The following TECRL variants were observed in gnomAD, a reference collection of about 807,000 sequenced individuals.
TECRL encodes the protein trans-2,3-enoyl-CoA reductase like.
A neutral mutation model predicts 52.8 loss-of-function variants in TECRL; 63 were observed. The ratio of observed to expected loss-of-function variants is 1.19; its 90% CI spans 0.97 to 1.47. The LOEUF (loss-of-function observed/expected upper bound fraction) is 1.47, where lower values mean the gene tolerates loss of function less well. TECRL is among the 40% of genes most tolerant of loss of function. The probability of loss-of-function intolerance (pLI) is 0.00; values close to 1 mark genes in which losing one functional copy is unlikely to be tolerated. For missense variants in TECRL, 482 were observed against 429.6 expected, an observed-to-expected ratio of 1.12 and a Z score of -1.08; for synonymous variants, 164 against 141.9, an observed-to-expected ratio of 1.16 and a Z score of -1.10.
At chr4:64,349,134 CGTTT>C (rs1202314929) in intron 2 of TECRL, among the ~76,000 whole-genome samples, 187 of 138,062 alleles carry the variant, frequency 1.4e-3, no homozygotes, top group African/African-American at 2.5e-3. Context: ...TTATAAAAAA[CGTTT>C]TTTTTTTTTT....
intron 2 of TECRL, among the ~76,000 whole-genome samples, chr4:64,350,246 C>A (rs1303409159): frequency 6.6e-6 from 1 of 152,094 alleles, no homozygotes; most frequent in African/African-American, 2.4e-5. Flanking sequence ...GAAATAATTG[C>A]CAAAATAGTA....
chr4:64,401,033 T>C (rs1431158348), intron 1 of TECRL, among the ~76,000 whole-genome samples: 1 of 152,158 alleles, frequency 6.6e-6, no homozygotes, highest in Non-Finnish European at 1.5e-5. Flanking sequence ...CAGATCCCAA[T>C]ACTATCTTGC....
intron 1 of TECRL, among the ~76,000 whole-genome samples, chr4:64,384,586 T>C (rs1170961220): frequency 6.6e-6 from 1 of 152,052 alleles, no homozygotes; most frequent in Non-Finnish European, 1.5e-5. Flanking sequence ...AATGCATTTA[T>C]AGGTACTGGT....
chr4:64,384,184 T>C (rs1723014516), intron 1 of TECRL, among the ~76,000 whole-genome samples: 1 of 152,044 alleles, frequency 6.6e-6, no homozygotes. Flanking sequence ...GGTGGTATAT[T>C]CCAGGTAGGA....
At chr4:64,364,580 A>G (rs1486297588) in intron 2 of TECRL, among the ~76,000 whole-genome samples, 1 of 152,048 alleles carries the variant, frequency 6.6e-6, no homozygotes, top group East Asian at 1.9e-4. Context: ...AGATAACATT[A>G]CCCCAAAGAA....
At position 64,355,708 on chromosome 4, in the gene TECRL, T is replaced by C. The variant is rs1429695250; in HGVS notation, c.286+19464A>G. ...TCCCAGCTACTTGGGAGGCTGAGAA[T>C]GGCGTGAAGCTGGGAGGCGGAGCTT... On this transcript the variant is annotated intron_variant, in intron 2 of 11. Transcript: ENST00000381210. Among the ~76,000 whole-genome samples, 14 of 149,148 alleles carry C rather than the reference T, an allele frequency of 9.4e-5. No homozygotes were observed. In the Admixed American group the frequency reaches 9.5e-4, roughly 10 times the overall value.
At chr4:64,372,736 G>A (rs563962620) in intron 2 of TECRL, among the ~76,000 whole-genome samples, 3 of 151,670 alleles carry the variant, frequency 2.0e-5, no homozygotes, top group East Asian at 3.9e-4. Context: ...AGGAAATAAT[G>A]TCTTCTGATA....
intron 2 of TECRL, among the ~76,000 whole-genome samples, chr4:64,335,251 C>T (rs1158601373): frequency 6.6e-6 from 1 of 152,124 alleles, no homozygotes; most frequent in Non-Finnish European, 1.5e-5. Context: ...GCTCTGGCTC[C>T]TTGTCAGATA....
chr4:64,276,905 C>T, downstream of TECRL: 2 of 582,230 alleles, frequency 3.4e-6, no homozygotes, highest in South Asian at 3.0e-5. Context: ...ATAGTAACTC[C>T]TAAAACCTGT....
intron 6 of TECRL, among the ~76,000 whole-genome samples, chr4:64,306,736 A>G (rs1377584773): frequency 1.3e-5 from 2 of 152,160 alleles, no homozygotes; most frequent in Non-Finnish European, 2.9e-5. Context: ...TCTCCTCTCC[A>G]TCTAGGCTGC....
intron 4 of TECRL, among the ~76,000 whole-genome samples, chr4:64,318,393 A>C (rs535197430): frequency 9.6e-4 from 146 of 152,230 alleles, no homozygotes; most frequent in African/African-American, 3.4e-3. Flanking sequence ...AGAAGAATTT[A>C]AAGAGAATAA....
At position 64,357,558 on chromosome 4, in the gene TECRL, T is replaced by G. The variant is rs377158380; in HGVS notation, c.286+17614A>C. 4.6e-5 allele frequency among the ~76,000 whole-genome samples: 7 copies of G among 151,364 alleles called. No homozygotes were observed. The South Asian group carries it at 1.3e-3, about 27-fold the overall frequency. On this transcript the variant is annotated intron_variant, in intron 2 of 11. Coordinates refer to ENST00000381210, the MANE Select transcript of TECRL (RefSeq NM_001010874.5). Reference sequence around the variant, plus strand: ...AATTAATATAAGTTTATCTGAAAGCTGTCACACAAATTCATTAACAATTAT... The same window carrying G: ...AATTAATATAAGTTTATCTGAAAGCGGTCACACAAATTCATTAACAATTAT...
intron 8 of TECRL, among the ~76,000 whole-genome samples, chr4:64,291,254 T>C (rs1723367548): frequency 1.3e-5 from 2 of 152,074 alleles, no homozygotes; most frequent in African/African-American, 4.8e-5. Flanking sequence ...ATTGTGATAA[T>C]TTTAGTTATC....
intron 2 of TECRL, among the ~76,000 whole-genome samples, chr4:64,366,708 C>T (rs931557205): frequency 1.3e-5 from 2 of 152,098 alleles, no homozygotes; most frequent in African/African-American, 4.8e-5. Flanking sequence ...TTAACAATCT[C>T]ACACCAGTCA....
At position 64,404,220 on chromosome 4, in the gene TECRL, C is replaced by CAAAAA. The variant is rs74418503; in HGVS notation, c.234+4893_234+4897dup. Among the ~76,000 whole-genome samples the CAAAAA allele has an allele frequency of 1.5e-4, 17 of 115,904 alleles. No homozygotes were observed. In the East Asian group the frequency reaches 1.5e-3, roughly 10 times the overall value. The allele number at this position is 115,904 out of a possible 152,430, so 76.0% of individuals were successfully genotyped here. ...TTTAAAAAGCTTTTGAGAGTTTTAC[C>CAAAAA]AAAAAAAAAAAAAAAACAATAGGAG... On this transcript the variant is annotated intron_variant, in intron 1 of 11. Transcript: ENST00000381210.
At chr4:64,291,667 C>G (rs898269109) in intron 8 of TECRL, among the ~76,000 whole-genome samples, 10 of 151,572 alleles carry the variant, frequency 6.6e-5, no homozygotes, top group Admixed American at 6.6e-4. Flanking sequence ...AATATTGGAA[C>G]GTCAATTGTT....
chr4:64,406,157 C>CGTGTGT (rs371862561), intron 1 of TECRL, among the ~76,000 whole-genome samples: 47 of 144,440 alleles, frequency 3.3e-4, no homozygotes, highest in South Asian at 8.6e-4. Flanking sequence ...GGCGCGCGCG[C>CGTGTGT]GCGCGCGCGT....
At chr4:64,294,333 A>T (rs1371061713) in intron 8 of TECRL, among the ~76,000 whole-genome samples, 1 of 152,100 alleles carries the variant, frequency 6.6e-6, no homozygotes, top group African/African-American at 2.4e-5. Flanking sequence ...AATAAGTAAT[A>T]GTCATTTTAT....
chr4:64,368,410 C>T (rs1721756836), intron 2 of TECRL, among the ~76,000 whole-genome samples: 1 of 151,404 alleles, frequency 6.6e-6, no homozygotes, highest in Admixed American at 6.6e-5. Context: ...ATTCTCCTGC[C>T]TCAGCCTCCT....
Sources: allele counts gnomAD v4.1 joint callset (sites outside exome capture counted in the v4.1 genomes callset), GRCh38; gene constraint gnomAD v4.1.1; transcripts MANE v1.5; gene names NCBI Gene and HGNC (gene_info 2026-07-23, HGNC 2026-07-21).